The following AGAP3 variants were observed in gnomAD, a reference collection of about 807,000 sequenced individuals.
AGAP3 encodes the protein arf-GAP with GTPase, ANK repeat and PH domain-containing protein 3.
In AGAP3, 24 loss-of-function variants were observed where a neutral mutation model predicts 96.9. The observed-to-expected ratio is 0.25, with a 90% CI of 0.18 to 0.35. The LOEUF (loss-of-function observed/expected upper bound fraction) is 0.35, where lower values mean the gene tolerates loss of function less well. Among genes scored for constraint, AGAP3 ranks in the 10% least tolerant of loss-of-function variants. The pLI, the probability that AGAP3 is intolerant of heterozygous loss-of-function variation, is 1.00. For missense variants in AGAP3, 876 were observed against 1,254.2 expected (o/e 0.70, Z 4.55); for synonymous variants, 563 against 536.1 (o/e 1.05, Z -0.69).
rs1230463074 is a variant in AGAP3 at position 151,115,532 on chromosome 7, C to T, written c.332-1261C>T. The stretch of plus-strand genomic sequence containing the variant: ...CCGGCCGCCCCCGCACCGCCGCCGG[C>T]CTCTGGAGGCTGCTCACGAGCCGCT... On this transcript the variant is annotated intron_variant, in intron 1 of 17. Transcript: ENST00000397238. 29 of 1,071,064 alleles carry T rather than the reference C, an allele frequency of 2.7e-5. 1 individual carries two copies. Among genetic ancestry groups the T allele is most frequent in the African/African-American group, 5.1e-5 (3 of 58,850 alleles). The allele number at this position is 1,071,064 out of a possible 1,614,324, so 66.3% of individuals were successfully genotyped here. A position where few individuals can be genotyped will look rare whatever the true frequency, so the allele number is the denominator to read the frequency against.
rs540534805 is a variant in AGAP3 at position 151,114,647 on chromosome 7, G to A, written c.332-2146G>A. 123 of 903,820 alleles carry A rather than the reference G, an allele frequency of 1.4e-4. No individual in the cohort carries two copies. The Middle Eastern group carries it at 3.9e-3, about 28-fold the overall frequency. 56.0% of individuals were successfully genotyped at this position (903,820 alleles called of 1,614,324 possible). The stretch of plus-strand genomic sequence containing the variant: ...CGGCCGCGAGGTGGAGGAGTTGAGG[G>A]ACTCGGTCGGCCCACACCAGGTGCC... On this transcript the variant is annotated intron_variant, in intron 1 of 17. Coordinates refer to ENST00000397238, the MANE Select transcript of AGAP3 (RefSeq NM_031946.7). The surrounding 1 kb of genome is among the most constrained non-coding windows in gnomAD (Gnocchi z 4.4).
Position 151,114,814 on chromosome 7 carries a change from G to T in AGAP3, c.332-1979G>T, listed in dbSNP as rs1387689809. Reference sequence around the variant, plus strand: ...CAGGGGGACAGCTGTCCCGGGGAGCGGCCCGCCGCTTGCCGCCGCGCCCAC... The same window carrying T: ...CAGGGGGACAGCTGTCCCGGGGAGCTGCCCGCCGCTTGCCGCCGCGCCCAC... On this transcript the variant is annotated intron_variant, in intron 1 of 17. Transcript: ENST00000397238. This position sits in a 1 kb window ranked among gnomAD's most constrained non-coding sequence, Gnocchi z 4.4. 2 of 1,057,214 alleles carry T rather than the reference G, an allele frequency of 1.9e-6. No homozygotes were observed. The highest frequency in any genetic ancestry group is 6.9e-5 in the South Asian group (2 of 28,950). The allele number at this position is 1,057,214 out of a possible 1,614,324, so 65.5% of individuals were successfully genotyped here. A position where few individuals can be genotyped will look rare whatever the true frequency, so the allele number is the denominator to read the frequency against.
chr7:151,132,740 C>T (rs951051817), intron 10 of AGAP3, among the ~76,000 whole-genome samples: 5 of 152,208 alleles, frequency 3.3e-5, no homozygotes, highest in East Asian at 1.9e-4. Context: ...TGGTGTTTGG[C>T]GCCTCTTTCC....
chr7:151,090,812 C>T (rs576799877), intron 1 of AGAP3, among the ~76,000 whole-genome samples: 2 of 152,080 alleles, frequency 1.3e-5, no homozygotes, highest in African/African-American at 4.8e-5. Flanking sequence ...GGCGTGGTGG[C>T]GGGCACCTGT....
At chr7:151,113,197 G>C (rs1034043936) in intron 1 of AGAP3, among the ~76,000 whole-genome samples, 8 of 152,216 alleles carry the variant, frequency 5.3e-5, no homozygotes, top group Admixed American at 5.2e-4. Flanking sequence ...GCTCAGTGAC[G>C]TTGGCCGGCT....
chr7:151,143,700 T>A lies in AGAP3; in HGVS notation c.2530-37T>A, dbSNP rs1324568858. ...CCTACAACCAATCTCTCTCCTCCCA[T>A]GTCTTGCCAACTGTCAACATGTGTT... is the stretch of plus-strand genomic sequence containing the variant. On this transcript the variant is annotated intron_variant, in intron 17 of 17. Coordinates refer to ENST00000397238, the MANE Select transcript of AGAP3 (RefSeq NM_031946.7). This position sits in a 1 kb window ranked among gnomAD's most constrained non-coding sequence, Gnocchi z 5.9. 1 of 1,613,068 alleles carries A rather than the reference T, an allele frequency of 6.2e-7. No homozygotes were observed. Among genetic ancestry groups the A allele is most frequent in the African/African-American group, 1.3e-5 (1 of 74,922 alleles).
intron 8 of AGAP3, chr7:151,123,136 C>T: frequency 1.8e-6 from 2 of 1,099,830 alleles, no homozygotes; most frequent in Non-Finnish European, 2.2e-6. Context: ...TTTCCTGCCC[C>T]TCCCCTCCTC....
Position 151,142,555 on chromosome 7 carries a change from G to C in AGAP3, c.2194G>C (p.Ala732Pro). 6.2e-7 allele frequency: 1 copy of C among 1,613,720 alleles called. No homozygotes were observed. The highest frequency in any genetic ancestry group is 8.5e-7 in the Non-Finnish European group (1 of 1,180,034). The stretch of plus-strand genomic sequence containing the variant: ...GCCTGAGCTGCTGGCTGTCATGACT[G>C]CCATGGGCAATGCCCTCGCCAACAG... The part of the protein sequence containing the change: ...WPPELLAVMT[A>P]MGNALANSVW... The change falls in exon 16 of 18, where the codon GCC (alanine) becomes CCC (proline). Residue 732 changes from alanine (A) to proline (P), a missense_variant. Physicochemically the swap from Ala to Pro is conservative, Grantham distance 27. Around this residue, in one of 8 missense-constraint regions of AGAP3, gnomAD observed 213 missense variants for 253.8 expected, o/e 0.84. Transcript: ENST00000397238. This position sits in a 1 kb window ranked among gnomAD's most constrained non-coding sequence, Gnocchi z 7.5.
rs183412482 is a variant in AGAP3 at position 151,096,686 on chromosome 7, G to A, written c.331+9614G>A. ...ACGAGGTTTCACCGCGTTAGCCAAG[G>A]TAGTCTCGATCTCCTGACCTCGTGA... is the stretch of plus-strand genomic sequence containing the variant. On this transcript the variant is annotated intron_variant, in intron 1 of 17. Coordinates refer to ENST00000397238, the MANE Select transcript of AGAP3 (RefSeq NM_031946.7). This position sits in a 1 kb window ranked among gnomAD's most constrained non-coding sequence, Gnocchi z 4.4. Among the ~76,000 whole-genome samples, 251 of 151,998 alleles carry A rather than the reference G, an allele frequency of 1.7e-3. No homozygotes were observed. Among genetic ancestry groups the A allele is most frequent in the African/African-American group, 5.7e-3 (235 of 41,456 alleles).
intron 8 of AGAP3, chr7:151,120,667 C>G: frequency 7.8e-7 from 1 of 1,275,394 alleles, no homozygotes; most frequent in Admixed American, 2.4e-5. Context: ...TGCTTTCCAC[C>G]CACCGCTGTG....
chr7:151,134,556 G>GGT lies in AGAP3; in HGVS notation c.1485_1486dup (p.Gly496ValfsTer196). Reference sequence around the variant, plus strand: ...CGTGGAGCGGAGTAACACACAGCTGGGTGGGGGCACAGGTGAGGCGGCTGC... The same window carrying GGT: ...CGTGGAGCGGAGTAACACACAGCTGGGTGTGGGGGCACAGGTGAGGCGGCTGC... On this transcript the variant is annotated frameshift_variant, in exon 11 of 18. Transcript: ENST00000397238. LOFTEE classifies it high-confidence loss of function. 1 of 1,610,712 alleles carries GGT rather than the reference G, an allele frequency of 6.2e-7. No homozygotes were observed. The highest frequency in any genetic ancestry group is 8.5e-7 in the Non-Finnish European group (1 of 1,178,598).
chr7:151,123,984 A>G (rs1470220676), intron 9 of AGAP3, 98 bp downstream of exon 9: 3 of 1,257,272 alleles, frequency 2.4e-6, no homozygotes, highest in Non-Finnish European at 3.4e-6. Context: ...GATGGGGGAG[A>G]TGGCATCAGA....
upstream of AGAP3, among the ~76,000 whole-genome samples, chr7:151,086,329 G>A (rs1361738440): frequency 6.8e-6 from 1 of 146,954 alleles, no homozygotes; most frequent in African/African-American, 2.5e-5. Context: ...GAGCGAGCGA[G>A]GGGCGGGGGC....
At chr7:151,122,204 G>C (rs1383675692) in intron 8 of AGAP3, among the ~76,000 whole-genome samples, 1 of 152,208 alleles carries the variant, frequency 6.6e-6, no homozygotes, top group East Asian at 1.9e-4. Context: ...TGGGCCAAAG[G>C]GGCAGAGGGC....
intron 1 of AGAP3, among the ~76,000 whole-genome samples, chr7:151,091,826 C>A (rs1362627996): frequency 6.6e-6 from 1 of 152,184 alleles, no homozygotes. Context: ...CCCTATGATG[C>A]CACCTGGCAA....
intron 9 of AGAP3, 46 bp downstream of exon 9, chr7:151,123,932 C>T: frequency 6.3e-7 from 1 of 1,575,462 alleles, no homozygotes. Flanking sequence ...GAATGAGGCC[C>T]AGGAATGTGG....
intron 1 of AGAP3, among the ~76,000 whole-genome samples, chr7:151,112,485 T>C (rs933904274): frequency 2.6e-5 from 4 of 151,482 alleles, no homozygotes; most frequent in Non-Finnish European, 1.5e-5. Context: ...CCCATCCTAC[T>C]GTTCTCCCAC....
intron 1 of AGAP3, among the ~76,000 whole-genome samples, chr7:151,097,130 A>G (rs1021034686): frequency 6.6e-6 from 1 of 152,156 alleles, no homozygotes; most frequent in Non-Finnish European, 1.5e-5. Flanking sequence ...AAGATTTTTT[A>G]AAAGTGAGAT....
chr7:151,122,962 G>T, intron 8 of AGAP3: 1 of 1,434,714 alleles, frequency 7.0e-7, no homozygotes, highest in Non-Finnish European at 9.1e-7. Flanking sequence ...GAGCGCCGGA[G>T]CCCGCGCTGG....
Sources: allele counts gnomAD v4.1 joint callset (sites outside exome capture counted in the v4.1 genomes callset), GRCh38; gene constraint gnomAD v4.1.1; regional missense constraint gnomAD v4.1.1; non-coding constraint Gnocchi (gnomAD v3.1); transcripts MANE v1.5; gene names NCBI Gene and HGNC (gene_info 2026-07-23, HGNC 2026-07-21).